Variants in SIAE observed in about 807,000 individuals in gnomAD.
SIAE encodes the protein sialate O-acetylesterase.
SIAE carries 39 observed loss-of-function variants against 52.6 expected under a neutral mutation model. The ratio of observed to expected loss-of-function variants is 0.74; its 90% CI spans 0.57 to 0.97. SIAE has a LOEUF of 0.97. Among genes scored for constraint, SIAE ranks in the 50% least tolerant of loss-of-function variants. The pLI is 0.00. For missense variants in SIAE, 592 were observed against 662.1 expected, an observed-to-expected ratio of 0.89 and a Z score of 1.16; for synonymous variants, 233 against 241.4, an observed-to-expected ratio of 0.97 and a Z score of 0.32.
At chr11:124,648,335 A>G (rs2134365127) in intron 5 of SIAE, among the ~76,000 whole-genome samples, 160 bp from the exon 6 acceptor site, 1 of 152,288 alleles carries the variant, frequency 6.6e-6, no homozygotes, top group South Asian at 2.1e-4. Context: ...AAACATATGA[A>G]TATTCTCTGA....
chr11:124,660,475 A>G (rs779495457), intron 3 of SIAE, 153 bp downstream of exon 3: 1 of 755,436 alleles, frequency 1.3e-6, no homozygotes, highest in Non-Finnish European at 2.3e-6. Flanking sequence ...AAGTCAAATT[A>G]ATGAATTCAT....
chr11:124,675,635 C>T (rs1014339947), upstream of SIAE: 9 of 455,066 alleles, frequency 2.0e-5, no homozygotes, highest in Non-Finnish European at 3.1e-5. Flanking sequence ...TTATTCAGAC[C>T]GTCTTCATTG....
chr11:124,656,057 T>C (rs77779141), intron 3 of SIAE, among the ~76,000 whole-genome samples: 43 of 152,272 alleles, frequency 2.8e-4, no homozygotes, highest in African/African-American at 8.7e-4. Flanking sequence ...ATAAGGTATA[T>C]AGGAAACATA....
At chr11:124,673,523 G>C (rs1469444922) in intron 1 of SIAE, 119 bp downstream of exon 1, 4 of 1,232,694 alleles carry the variant, frequency 3.2e-6, no homozygotes, top group Non-Finnish European at 3.5e-6. Flanking sequence ...CCCTAGCCTA[G>C]CTAGGTTCCT....
chr11:124,668,640 C>T (rs980252017), intron 2 of SIAE, among the ~76,000 whole-genome samples: 4 of 152,198 alleles, frequency 2.6e-5, no homozygotes, highest in African/African-American at 9.7e-5. Flanking sequence ...TGACGATCTC[C>T]ATTTCACATA....
chr11:124,673,928 C>G (rs1943418462), upstream of SIAE: 1 of 586,758 alleles, frequency 1.7e-6, no homozygotes. Flanking sequence ...CCGGAACCGG[C>G]GGCACCAGCT....
rs1215712908 is a variant in SIAE at position 124,670,498 on chromosome 11, TA to T, written c.68-978del. ...CAAATTATATCCCAATTTATCTGAA[TA>T]AAACAGACCCCAAACTACCTAAAAT... On this transcript the variant is annotated intron_variant, in intron 1 of 9. Coordinates refer to ENST00000263593, the MANE Select transcript of SIAE (RefSeq NM_170601.5). This position sits in a 1 kb window ranked among gnomAD's most constrained non-coding sequence, Gnocchi z 4.5. 6.6e-6 allele frequency among the ~76,000 whole-genome samples: 1 copy of T among 152,214 alleles called. No individual in the cohort carries two copies. Among genetic ancestry groups the T allele is most frequent in the African/African-American group, 2.4e-5 (1 of 41,456 alleles).
At position 124,638,689 on chromosome 11, in the gene SIAE, C is replaced by T. The variant is rs775715667; in HGVS notation, c.1173G>A (p.Gly391=). ...KQTVAYRLHL[G]ARALAYGEKN... is the part of the protein sequence containing the mutation. Reference sequence around the variant, plus strand: ...TCTCACCATAAGCCAGAGCACGGGCCCCCAAATGCAGCCGATAAGCCACAG... The same window carrying T: ...TCTCACCATAAGCCAGAGCACGGGCTCCCAAATGCAGCCGATAAGCCACAG... The change falls in exon 9 of 10, where the codon GGG becomes GGA. Residue 391 remains glycine, a synonymous_variant. Transcript: ENST00000263593. The T allele has an allele frequency of 2.5e-6, 4 of 1,614,104 alleles. No individual in the cohort carries two copies. The highest frequency in any genetic ancestry group is 3.4e-6 in the Non-Finnish European group (4 of 1,180,040).
Position 124,638,608 on chromosome 11 carries a change from C to G in SIAE, c.1254G>C (p.Lys418Asn), listed in dbSNP as rs1448746611. 6.2e-7 allele frequency: 1 copy of G among 1,614,026 alleles called. No individual in the cohort carries two copies. The highest frequency in any genetic ancestry group is 2.2e-5 in the East Asian group (1 of 44,892). ...GGTAATATGTGAGATTGAGCAGCCC[C>G]TTGTGAGCCAAGAGTTCTATCTTCT... is the stretch of plus-strand genomic sequence containing the variant. ...LPEKIELLAHKGLLNLTYYQQ... is the reference protein window; with the variant it reads ...LPEKIELLAHNGLLNLTYYQQ... Residue 418 changes from lysine (K) to asparagine (N), a missense_variant, in exon 9 of 10, where the codon AAG becomes AAC. Lys to Asn is a moderately conservative substitution (Grantham distance 94). Coordinates refer to ENST00000263593, the MANE Select transcript of SIAE (RefSeq NM_170601.5).
intron 1 of SIAE, among the ~76,000 whole-genome samples, chr11:124,671,070 C>T (rs757481941): frequency 2.2e-4 from 33 of 152,282 alleles, no homozygotes; most frequent in South Asian, 1.4e-3. Context: ...GTCAGTAGTC[C>T]ATAGGCTAGG....
chr11:124,668,099 T>C (rs544368), intron 2 of SIAE, among the ~76,000 whole-genome samples: 137,595 of 152,202 alleles, frequency 0.9, 62,519 homozygotes, highest in East Asian at 1. Flanking sequence ...GACAAACAAG[T>C]CTCCCTGTCT....
At chr11:124,666,054 G>A (rs1366729370) in intron 2 of SIAE, among the ~76,000 whole-genome samples, 2 of 152,114 alleles carry the variant, frequency 1.3e-5, no homozygotes, top group Non-Finnish European at 1.5e-5. Flanking sequence ...TATTCCTTGT[G>A]TCTGAAAGAA....
chr11:124,652,254 C>T (rs575797853), intron 4 of SIAE, among the ~76,000 whole-genome samples: 38 of 152,120 alleles, frequency 2.5e-4, no homozygotes, highest in African/African-American at 7.9e-4. Context: ...CCTTGCATGG[C>T]GAAAGGCACT....
At chr11:124,668,386 A>G (rs1269581590) in intron 2 of SIAE, among the ~76,000 whole-genome samples, 1 of 152,212 alleles carries the variant, frequency 6.6e-6, no homozygotes, top group Non-Finnish European at 1.5e-5. Flanking sequence ...CTTCCTGTCT[A>G]ACCTGCATGC....
chr11:124,660,557 C>T, intron 3 of SIAE, 71 bp downstream of exon 3: 2 of 1,522,554 alleles, frequency 1.3e-6, no homozygotes, highest in Non-Finnish European at 1.8e-6. Context: ...TCCTTGTTGC[C>T]CCCTTATTCC....
At chr11:124,647,581 C>G (rs1207503842) in intron 6 of SIAE, 83 bp from the exon 7 acceptor site, 5 of 1,533,036 alleles carry the variant, frequency 3.3e-6, no homozygotes, top group Non-Finnish European at 4.5e-6. Flanking sequence ...CCATCCATGC[C>G]CTGAGGTAGT....
intron 2 of SIAE, among the ~76,000 whole-genome samples, chr11:124,661,176 C>T (rs1173044133): frequency 2.0e-5 from 3 of 152,096 alleles, no homozygotes; most frequent in Non-Finnish European, 4.4e-5. Context: ...TCTTATAGTG[C>T]CCCAAACTAA....
At chr11:124,673,507 G>A (rs1943404850) in intron 1 of SIAE, 135 bp downstream of exon 1, 3 of 1,032,762 alleles carry the variant, frequency 2.9e-6, no homozygotes, top group Admixed American at 2.3e-5. Context: ...GGTCGGAGAC[G>A]CGAGCCCCTA....
intron 4 of SIAE, among the ~76,000 whole-genome samples, chr11:124,653,578 A>T (rs1355156548): frequency 6.6e-6 from 1 of 152,212 alleles, no homozygotes; most frequent in East Asian, 1.9e-4. Flanking sequence ...TAGAAGAATG[A>T]TAGTAACATC....
Sources: gnomAD v4.1 joint callset for allele counts (sites outside exome capture counted in the v4.1 genomes callset) on GRCh38, gnomAD v4.1.1 for gene constraint, Gnocchi (gnomAD v3.1) non-coding constraint, MANE v1.5 for transcripts, NCBI Gene and HGNC (gene_info 2026-07-23, HGNC 2026-07-21) for gene names.